Variants in AGBL1 observed in about 807,000 individuals in gnomAD.
AGBL1 encodes cytosolic carboxypeptidase 4.
In AGBL1, 130 loss-of-function variants were observed where a neutral mutation model predicts 118.9. The ratio of observed to expected loss-of-function variants is 1.09; its 90% CI spans 0.95 to 1.26. The LOEUF is 1.26. Ranked by LOEUF, AGBL1 falls within the 50% of genes most tolerant of loss-of-function variation. AGBL1 has a pLI of 0.00. For missense variants in AGBL1, 1,584 were observed against 1,298.1 expected (o/e 1.22, Z -3.38); for synonymous variants, 555 against 478.9 (o/e 1.16, Z -2.08).
chr15:86,327,570 G>T (rs917868003), intron 17 of AGBL1, among the ~76,000 whole-genome samples: 3 of 152,180 alleles, frequency 2.0e-5, no homozygotes, highest in Non-Finnish European at 4.4e-5. Context: ...TTAGGCATAT[G>T]TGCCCAGCAG....
chr15:86,454,983 T>C (rs1323674841), intron 18 of AGBL1, among the ~76,000 whole-genome samples: 2 of 152,196 alleles, frequency 1.3e-5, no homozygotes, highest in East Asian at 3.8e-4. Context: ...AAGCCGTCTG[T>C]CTACAGGCAG....
chr15:86,126,758 C>T (rs1323636965), intron 1 of AGBL1, among the ~76,000 whole-genome samples: 1 of 152,094 alleles, frequency 6.6e-6, no homozygotes, highest in Non-Finnish European at 1.5e-5. Context: ...AATAGGATGC[C>T]TAATTTTCTT....
intron 22 of AGBL1, among the ~76,000 whole-genome samples, chr15:86,703,832 T>C (rs769620069): frequency 2.6e-5 from 4 of 151,968 alleles, no homozygotes; most frequent in Non-Finnish European, 5.9e-5. Context: ...TGTGAGTCAA[T>C]TAAATCTCTT....
chr15:86,538,877 G>C (rs1242757838), intron 19 of AGBL1, among the ~76,000 whole-genome samples: 1 of 152,198 alleles, frequency 6.6e-6, no homozygotes, highest in Non-Finnish European at 1.5e-5. Flanking sequence ...CTTGAACAAG[G>C]GGGACCTATT....
At chr15:86,699,578 A>AG (rs35609411) in intron 22 of AGBL1, among the ~76,000 whole-genome samples, 76,062 of 151,810 alleles carry the variant, frequency 0.5, 20,116 homozygotes, top group East Asian at 0.78. Flanking sequence ...AAAAGATTTT[A>AG]GTCAGTTATT....
At chr15:87,009,306 G>A (rs1364774321) in intron 24 of AGBL1, among the ~76,000 whole-genome samples, 1 of 152,050 alleles carries the variant, frequency 6.6e-6, no homozygotes, top group Non-Finnish European at 1.5e-5. Flanking sequence ...TTCTTCAGAG[G>A]GTGAAAGCCC....
At chr15:86,136,879 A>G (rs2076896649) in intron 1 of AGBL1, among the ~76,000 whole-genome samples, 2 of 152,230 alleles carry the variant, frequency 1.3e-5, no homozygotes, top group African/African-American at 4.8e-5. Context: ...CCCACAGACT[A>G]TGAAAGACAC....
At chr15:86,990,841 T>C (rs774071457) in intron 24 of AGBL1, among the ~76,000 whole-genome samples, 31 of 152,104 alleles carry the variant, frequency 2.0e-4, no homozygotes, top group Non-Finnish European at 3.1e-4. Context: ...CCTTGGCATA[T>C]GGAAACTCAG....
intron 17 of AGBL1, among the ~76,000 whole-genome samples, chr15:86,324,290 A>T (rs2080150092): frequency 6.6e-6 from 1 of 152,088 alleles, no homozygotes; most frequent in Admixed American, 6.5e-5. Flanking sequence ...GGAGCTTAAA[A>T]CTCTACCCGG....
At chr15:86,159,048 T>G in intron 5 of AGBL1, 22 bp downstream of exon 5, 1 of 1,603,104 alleles carries the variant, frequency 6.2e-7, no homozygotes, top group Non-Finnish European at 8.5e-7. Flanking sequence ...CATGTAATAC[T>G]TCTGCCCCTT....
rs778758541 is a variant in AGBL1, at chr15:86,674,273, G to A, written c.2995G>A (p.Gly999Ser). ...YCGCNQGPYQ[G>S]LQFGTRELEE... ...AGTTAATGCTTTGTTTAACTGGCAG[G>A]GTCTACAGTTTGGTACCAGAGAACT... Residue 999 changes from glycine (G) to serine (S), a missense_variant and splice_region_variant, in exon 22 of 23, where the codon GGT becomes AGT. Gly to Ser is a moderately conservative substitution (Grantham distance 56). Transcript: ENST00000614907. 6.2e-7 allele frequency: 1 copy of A among 1,608,700 alleles called. No individual in the cohort carries two copies. The highest frequency in any genetic ancestry group is 8.5e-7 in the Non-Finnish European group (1 of 1,176,972).
At chr15:86,081,131 C>T (rs1895252558) in intron 1 of AGBL1, among the ~76,000 whole-genome samples, 1 of 152,058 alleles carries the variant, frequency 6.6e-6, no homozygotes. Flanking sequence ...ACAACTTTTG[C>T]CTCCCAGGTT....
At chr15:86,726,091 G>A (rs561494456) in intron 22 of AGBL1, among the ~76,000 whole-genome samples, 3 of 152,330 alleles carry the variant, frequency 2.0e-5, no homozygotes, top group African/African-American at 7.2e-5. Flanking sequence ...AATAGTGCTT[G>A]TTTAGAGTAC....
At chr15:86,733,780 G>A (rs1401479062) in intron 22 of AGBL1, among the ~76,000 whole-genome samples, 1 of 152,078 alleles carries the variant, frequency 6.6e-6, no homozygotes, top group Non-Finnish European at 1.5e-5. Flanking sequence ...CTCATAAACA[G>A]GAATTGGCAA....
At chr15:86,359,664 A>G (rs770838263) in intron 17 of AGBL1, among the ~76,000 whole-genome samples, 9 of 151,670 alleles carry the variant, frequency 5.9e-5, no homozygotes, top group Non-Finnish European at 1.2e-4. Context: ...TAATTCTTAC[A>G]ATCCTTGAAC....
At chr15:86,729,362 T>G (rs2077498906) in intron 22 of AGBL1, among the ~76,000 whole-genome samples, 1 of 152,164 alleles carries the variant, frequency 6.6e-6, no homozygotes, top group South Asian at 2.1e-4. Context: ...TGAGGTTTGG[T>G]GTAAGAATGA....
chr15:86,179,137 C>T (rs1030429959), intron 5 of AGBL1, among the ~76,000 whole-genome samples: 18 of 152,146 alleles, frequency 1.2e-4, no homozygotes, highest in African/African-American at 4.1e-4. Flanking sequence ...ATCTTGATTC[C>T]TTATTTTGGA....
At chr15:86,573,132 T>C (rs2084034366) in intron 21 of AGBL1, among the ~76,000 whole-genome samples, 1 of 152,260 alleles carries the variant, frequency 6.6e-6, no homozygotes, top group Non-Finnish European at 1.5e-5. Context: ...TACTTTGTTT[T>C]AAGCTGAAGT....
At chr15:86,891,545 A>G (rs1433626503) in intron 22 of AGBL1, among the ~76,000 whole-genome samples, 2 of 151,840 alleles carry the variant, frequency 1.3e-5, no homozygotes, top group Non-Finnish European at 2.9e-5. Flanking sequence ...ATCCAGTAGA[A>G]TGTGTCTGAC....
Sources: allele counts gnomAD v4.1 joint callset (sites outside exome capture counted in the v4.1 genomes callset), GRCh38; gene constraint gnomAD v4.1.1; transcripts MANE v1.5; gene names NCBI Gene and HGNC (gene_info 2026-07-23, HGNC 2026-07-21).